CCDC186: variants seen among roughly 807,000 people sequenced by gnomAD.
CCDC186 encodes the protein coiled-coil domain containing 186, also known as coiled-coil domain-containing protein 186.
Under a neutral mutation model 113.7 loss-of-function variants are expected in CCDC186, and 49 were observed. The ratio of observed to expected loss-of-function variants is 0.43; its 90% CI spans 0.34 to 0.55. CCDC186 has a LOEUF of 0.55. CCDC186 is among the 20% of genes least tolerant of loss of function. The pLI is 0.02. For missense variants in CCDC186, 890 were observed against 1,011.1 expected, an observed-to-expected ratio of 0.88 and a Z score of 1.62; for synonymous variants, 355 against 345.8, an observed-to-expected ratio of 1.03 and a Z score of -0.30.
chr10:114,164,094 GTGTGTGTGTATA>G lies in CCDC186; in HGVS notation c.-61-777_-61-766del, dbSNP rs142715974. 2.0e-3 allele frequency among the ~76,000 whole-genome samples: 254 copies of G among 125,888 alleles called. 2 individuals carry two copies. Among genetic ancestry groups the G allele is most frequent in the African/African-American group, 7.8e-3 (245 of 31,396 alleles). 82.6% of individuals were successfully genotyped at this position (125,888 alleles called of 152,430 possible). The stretch of plus-strand genomic sequence containing the variant: ...TGTGTGTGTGTGTGTGTGTGTGTGT[GTGTGTGTGTATA>G]TATATATATTTTTTTTTTTTTTTTT... On this transcript the variant is annotated intron_variant, in intron 1 of 15. Transcript: ENST00000369287.
intron 14 of CCDC186, among the ~76,000 whole-genome samples, chr10:114,126,635 G>T (rs1365355206): frequency 6.6e-6 from 1 of 152,172 alleles, no homozygotes; most frequent in Non-Finnish European, 1.5e-5. Context: ...GATTACAGGT[G>T]TGAGACACCA....
chr10:114,156,130 A>G (rs897541855), intron 3 of CCDC186, among the ~76,000 whole-genome samples: 3 of 152,228 alleles, frequency 2.0e-5, no homozygotes, highest in Admixed American at 6.5e-5. Flanking sequence ...TTACCATTCT[A>G]ACTCTGGTTT....
intron 3 of CCDC186, among the ~76,000 whole-genome samples, chr10:114,156,424 T>C (rs1168337834): frequency 6.6e-6 from 1 of 152,208 alleles, no homozygotes; most frequent in Non-Finnish European, 1.5e-5. Flanking sequence ...GAGGAGTTCA[T>C]TTAAAAACTA....
Position 114,127,458 on chromosome 10 carries a change from T to A in CCDC186, c.2393+3A>T, listed in dbSNP as rs375846377. The A allele has an allele frequency of 8.7e-6, 14 of 1,612,638 alleles. No homozygotes were observed. Among genetic ancestry groups the A allele is most frequent in the Non-Finnish European group, 1.2e-5 (14 of 1,178,964 alleles). ...CCGATCATGCTACCGTAATAATACATACTTTGTTTTTTTCCTAATTTCTTC... is the reference window on the plus strand; with the variant it reads ...CCGATCATGCTACCGTAATAATACAAACTTTGTTTTTTTCCTAATTTCTTC... On this transcript the variant is annotated splice_donor_region_variant and intron_variant, in intron 14 of 15. Coordinates refer to ENST00000369287, the MANE Select transcript of CCDC186 (RefSeq NM_018017.4).
Position 114,145,756 on chromosome 10 carries a change from G to A in CCDC186, c.894C>T (p.Asn298=). The change falls in exon 5 of 16, where the codon AAC becomes AAT. Residue 298 remains asparagine (N), a synonymous_variant. Coordinates refer to ENST00000369287, the MANE Select transcript of CCDC186 (RefSeq NM_018017.4). ...CTTGGCGTGCCTCTTCACATTTCTTGTTGGCCTTCAAAAAAAATATTACTT... is the reference window on the plus strand; with the variant it reads ...CTTGGCGTGCCTCTTCACATTTCTTATTGGCCTTCAAAAAAAATATTACTT... The part of the protein sequence containing the change: ...KEMAQRMEQA[N]KKCEEARQEK... 6.4e-7 allele frequency: 1 copy of A among 1,573,322 alleles called. No individual in the cohort carries two copies. Among genetic ancestry groups the A allele is most frequent in the Non-Finnish European group, 8.6e-7 (1 of 1,168,816 alleles).
chr10:114,158,879 C>T (rs369529699), intron 2 of CCDC186, among the ~76,000 whole-genome samples: 51 of 152,320 alleles, frequency 3.3e-4, no homozygotes, highest in African/African-American at 1.2e-3. Context: ...CCAGTACTTA[C>T]TCAGCATCTA....
chr10:114,138,321 T>G (rs2031349296), intron 6 of CCDC186, among the ~76,000 whole-genome samples: 3 of 131,880 alleles, frequency 2.3e-5, no homozygotes, highest in African/African-American at 5.6e-5. Flanking sequence ...GGAGACAGCG[T>G]CTCATTCTGT....
At chr10:114,167,798 G>GC (rs1564920669) in intron 1 of CCDC186, among the ~76,000 whole-genome samples, 1 of 66,380 alleles carries the variant, frequency 1.5e-5, no homozygotes, top group East Asian at 3.8e-4. Flanking sequence ...CCTAATCTCC[G>GC]TAAAAAAAAA....
At chr10:114,140,213 G>A (rs657497) in intron 6 of CCDC186, among the ~76,000 whole-genome samples, 38,652 of 152,170 alleles carry the variant, frequency 0.25, 5,336 homozygotes, top group African/African-American at 0.37. Context: ...GAGAAAGTCC[G>A]GATAGAATGA....
chr10:114,162,685 T>C lies in CCDC186; in HGVS notation c.584A>G (p.Glu195Gly). 3 of 1,604,620 alleles carry C rather than the reference T, an allele frequency of 1.9e-6. No individual in the cohort carries two copies. Among genetic ancestry groups the C allele is most frequent in the Non-Finnish European group, 2.5e-6 (3 of 1,177,432 alleles). Residue 195 changes from glutamate (E) to glycine (G), a missense_variant, in exon 2 of 16, where the codon GAA (glutamate) becomes GGA (glycine). By Grantham distance (98) the Glu-to-Gly change is moderately conservative. Coordinates refer to ENST00000369287, the MANE Select transcript of CCDC186 (RefSeq NM_018017.4). ...NKGEHALVLF[E>G]KCVQDKYLQQ... is the part of the protein sequence containing the mutation. ...CAAATATTTATCTTGCACACACTTT[T>C]CAAACAGAACTAATGCATGTTCTCC...
At position 114,151,145 on chromosome 10, in the gene CCDC186, C is replaced by T; in HGVS notation, c.835G>A (p.Ala279Thr). The stretch of plus-strand genomic sequence containing the variant: ...TGTAACTGCTGAACTGCATTTTTAG[C>T]TGTAACGTCTTGAGCTATTAGTTGA... Reference protein sequence around the residue: ...RDQLIAQDVTAKNAVQQLHKE... With the variant: ...RDQLIAQDVTTKNAVQQLHKE... Residue 279 changes from alanine to threonine, a missense_variant, in exon 4 of 16, where the codon GCT becomes ACT. Transcript: ENST00000369287. 6.2e-7 allele frequency: 1 copy of T among 1,613,736 alleles called. No individual in the cohort carries two copies. The highest frequency in any genetic ancestry group is 8.5e-7 in the Non-Finnish European group (1 of 1,179,752).
At position 114,131,920 on chromosome 10, in the gene CCDC186, T is replaced by C; in HGVS notation, c.1911+9A>G. 1 of 1,592,344 alleles carries C rather than the reference T, an allele frequency of 6.3e-7. No homozygotes were observed. The highest frequency in any genetic ancestry group is 8.6e-7 in the Non-Finnish European group (1 of 1,168,420). On this transcript the variant is annotated intron_variant, in intron 11 of 15. Transcript: ENST00000369287. ...CGTTGTTTTAAAAAAAATGTAAATT[T>C]ATACTTACCAAATTAATATTTGTCT... is the stretch of plus-strand genomic sequence containing the variant.
At chr10:114,169,966 T>C (rs549655997) in intron 1 of CCDC186, among the ~76,000 whole-genome samples, 5 of 152,278 alleles carry the variant, frequency 3.3e-5, no homozygotes, top group Admixed American at 6.5e-5. Flanking sequence ...GGCTCAATCA[T>C]AGGTCACTGC....
In CCDC186 at chr10:114,125,037, AT is replaced by A; in HGVS notation, c.*105del. On this transcript the variant is annotated 3_prime_UTR_variant, in exon 16 of 16. Transcript: ENST00000369287. Reference sequence around the variant, plus strand: ...TTGTGTACAGATGAAGCAAAACAATATTTTTACTGGCTGAAACAAAAAGTGG... The same window carrying A: ...TTGTGTACAGATGAAGCAAAACAATATTTTACTGGCTGAAACAAAAAGTGG... 1.3e-6 allele frequency: 1 copy of A among 769,402 alleles called. No homozygotes were observed. The highest frequency in any genetic ancestry group is 2.1e-6 in the Non-Finnish European group (1 of 484,934). 47.7% of individuals were successfully genotyped at this position (769,402 alleles called of 1,614,324 possible). A position where few individuals can be genotyped will look rare whatever the true frequency, so the allele number is the denominator to read the frequency against.
chr10:114,164,702 C>T (rs2032285421), intron 1 of CCDC186, among the ~76,000 whole-genome samples: 1 of 152,072 alleles, frequency 6.6e-6, no homozygotes. Flanking sequence ...TGGAAAATAG[C>T]TCTAGTTTAT....
Position 114,157,677 on chromosome 10 carries a change from T to C in CCDC186, c.636A>G (p.Leu212=), listed in dbSNP as rs767120495. 1.1e-5 allele frequency: 17 copies of C among 1,579,330 alleles called. No individual in the cohort carries two copies. In the East Asian group the frequency reaches 1.1e-4, roughly 10 times the overall value. The change falls in exon 3 of 16, where the codon TTA becomes TTG. Residue 212 remains leucine, a synonymous_variant. Coordinates refer to ENST00000369287, the MANE Select transcript of CCDC186 (RefSeq NM_018017.4). The part of the protein sequence containing the change: ...YLQQEHIIKK[L]IKENKKHQEL... ...CCTGATGCTTCTTATTTTCTTTAAT[T>C]AACCTAAATATAAAAAGGGCAGTGT...
chr10:114,130,881 T>A (rs2031066193), intron 12 of CCDC186: 1 of 304,616 alleles, frequency 3.3e-6, no homozygotes, highest in Non-Finnish European at 5.9e-6. Context: ...GAGTATGTGA[T>A]CAAAAGTTTA....
At chr10:114,150,614 CTGTA>C (rs2031824254) in intron 4 of CCDC186, among the ~76,000 whole-genome samples, 1 of 152,004 alleles carries the variant, frequency 6.6e-6, no homozygotes, top group Non-Finnish European at 1.5e-5. Flanking sequence ...TTTTATTCAT[CTGTA>C]TGTATTTATA....
chr10:114,164,918 T>G lies in CCDC186; in HGVS notation c.-61-1589A>C, dbSNP rs1483582429. Among the ~76,000 whole-genome samples the G allele has an allele frequency of 2.6e-5, 4 of 152,350 alleles. No homozygotes were observed. The East Asian group carries it at 7.7e-4, about 29-fold the overall frequency. On this transcript the variant is annotated intron_variant, in intron 1 of 15. Transcript: ENST00000369287. ...ACAAATCATAGTAAATCACAGTGAC[T>G]TGTAGACTTAATTACAGTGCAGAGT...
Sources: gnomAD v4.1 joint callset for allele counts (sites outside exome capture counted in the v4.1 genomes callset) on GRCh38, gnomAD v4.1.1 for gene constraint, MANE v1.5 for transcripts, NCBI Gene and HGNC (gene_info 2026-07-23, HGNC 2026-07-21) for gene names.